Variants in SPMIP2 observed in about 807,000 individuals in gnomAD.
SPMIP2 encodes sperm microtubule inner protein 2.
the SPMIP2 span, among the ~76,000 whole-genome samples, chr4:159,058,137 G>A: frequency 7.2e-5 from 6 of 82,868 alleles, no homozygotes; most frequent in Middle Eastern, 7.1e-3. Context: ...GGGATTATCA[G>A]GCGTGAGCCG....
chr4:158,972,214 T>G, the SPMIP2 span, among the ~76,000 whole-genome samples: 6 of 152,182 alleles, frequency 3.9e-5, no homozygotes, highest in Admixed American at 6.5e-5. Flanking sequence ...ATACAAAAAT[T>G]AGCCGGGCCT....
the SPMIP2 span, chr4:158,893,495 C>A: frequency 1.9e-6 from 1 of 524,942 alleles, no homozygotes; most frequent in Non-Finnish European, 3.5e-6. Flanking sequence ...CAATTAGTTT[C>A]ATGAAACAAT....
chr4:159,002,312 AT>A, the SPMIP2 span, among the ~76,000 whole-genome samples: 2 of 151,790 alleles, frequency 1.3e-5, no homozygotes, highest in African/African-American at 2.4e-5. Flanking sequence ...TTGTAGTTTC[AT>A]TTTTTAAAGT....
At chr4:158,971,669 C>T in the SPMIP2 span, among the ~76,000 whole-genome samples, 1 of 152,034 alleles carries the variant, frequency 6.6e-6, no homozygotes, top group East Asian at 1.9e-4. Context: ...ATATGAAACG[C>T]ATATAGGGCT....
the SPMIP2 span, chr4:158,907,244 A>G: frequency 6.6e-6 from 1 of 152,246 alleles, no homozygotes; most frequent in Non-Finnish European, 1.5e-5. Flanking sequence ...ATACTTGTGC[A>G]TAATTCCAAA....
chr4:158,919,585 C>T, the SPMIP2 span, among the ~76,000 whole-genome samples: 1 of 152,186 alleles, frequency 6.6e-6, no homozygotes, highest in Non-Finnish European at 1.5e-5. Context: ...TGCTACCTAC[C>T]AGAATTCTCC....
the SPMIP2 span, among the ~76,000 whole-genome samples, chr4:159,022,578 T>G: frequency 6.6e-6 from 1 of 152,110 alleles, no homozygotes; most frequent in African/African-American, 2.4e-5. Context: ...ACATGCAGGC[T>G]CCTAGGCCCC....
chr4:159,073,407 G>A, the SPMIP2 span, among the ~76,000 whole-genome samples: 1 of 152,124 alleles, frequency 6.6e-6, no homozygotes, highest in Non-Finnish European at 1.5e-5. Flanking sequence ...GCCCAACTCA[G>A]CCTCCCAAAG....
At chr4:158,951,284 G>A in the SPMIP2 span, among the ~76,000 whole-genome samples, 1 of 152,156 alleles carries the variant, frequency 6.6e-6, no homozygotes, top group African/African-American at 2.4e-5. Flanking sequence ...ATCATAGAGT[G>A]TACTTACACA....
At chr4:159,016,976 G>A in the SPMIP2 span, among the ~76,000 whole-genome samples, 2 of 152,188 alleles carry the variant, frequency 1.3e-5, no homozygotes, top group African/African-American at 2.4e-5. Flanking sequence ...GGAGGGGCCC[G>A]GGTGATTAGA....
At chr4:158,925,636 G>A in the SPMIP2 span, among the ~76,000 whole-genome samples, 1 of 152,210 alleles carries the variant, frequency 6.6e-6, no homozygotes, top group African/African-American at 2.4e-5. Context: ...AGGGTTCACA[G>A]TCTTATGAGA....
the SPMIP2 span, among the ~76,000 whole-genome samples, chr4:158,918,154 C>G: frequency 6.6e-6 from 1 of 152,176 alleles, no homozygotes. Context: ...CATTACCCTG[C>G]CTGACACGTA....
chr4:158,977,940 G>A, the SPMIP2 span, among the ~76,000 whole-genome samples: 1 of 152,050 alleles, frequency 6.6e-6, no homozygotes. Flanking sequence ...TCTGATCTTA[G>A]TTATTTCTTG....
At chr4:158,912,966 C>T in the SPMIP2 span, among the ~76,000 whole-genome samples, 1 of 152,184 alleles carries the variant, frequency 6.6e-6, no homozygotes. Flanking sequence ...CGTCACTTAT[C>T]TGGGATTCCT....
the SPMIP2 span, among the ~76,000 whole-genome samples, chr4:158,946,400 TC>T: frequency 0.069 from 3,686 of 53,358 alleles, 144 homozygotes; most frequent in African/African-American, 0.2. Context: ...CAAATTGTAA[TC>T]CCCACATTTC....
At chr4:158,991,033 C>T in the SPMIP2 span, among the ~76,000 whole-genome samples, 2 of 152,158 alleles carry the variant, frequency 1.3e-5, no homozygotes, top group African/African-American at 4.8e-5. Flanking sequence ...CTGTCTCAAC[C>T]TCCCAAGTAG....
At chr4:158,999,184 AC>A in the SPMIP2 span, among the ~76,000 whole-genome samples, 8 of 142,012 alleles carry the variant, frequency 5.6e-5, no homozygotes, top group African/African-American at 2.0e-4. Context: ...AAAAAAAACA[AC>A]AAAAAAAAAC....
chr4:158,996,288 G>A, the SPMIP2 span, among the ~76,000 whole-genome samples: 2 of 152,122 alleles, frequency 1.3e-5, no homozygotes, highest in Non-Finnish European at 2.9e-5. Flanking sequence ...ACAAAATTTT[G>A]CAACCAGGTG....
At chr4:158,910,014 C>A in the SPMIP2 span, among the ~76,000 whole-genome samples, 3,232 of 151,986 alleles carry the variant, frequency 0.021, 143 homozygotes, top group Admixed American at 0.11. Flanking sequence ...TGCACTCCAG[C>A]CTGAGCAACA....
Sources: allele counts gnomAD v4.1 joint callset (sites outside exome capture counted in the v4.1 genomes callset), GRCh38; gene constraint gnomAD v4.1.1; transcripts MANE v1.5; gene names NCBI Gene and HGNC (gene_info 2026-07-23, HGNC 2026-07-21).